Variants in ATL2 observed in about 807,000 individuals in gnomAD.
ATL2 encodes atlastin GTPase 2.
ATL2 carries 31 observed loss-of-function variants against 73.9 expected under a neutral mutation model. The ratio of observed to expected loss-of-function variants is 0.42; its 90% CI spans 0.32 to 0.57. The LOEUF (loss-of-function observed/expected upper bound fraction) is 0.57. ATL2 is among the 20% of genes least tolerant of loss of function. The pLI, the probability that ATL2 is intolerant of heterozygous loss-of-function variation, is 0.14. For synonymous variants in ATL2, 291 were observed against 237.5 expected (o/e 1.23, Z -2.07); for missense variants, 738 against 702.6 (o/e 1.05, Z -0.57).
At chr2:38,326,313 GC>G (rs928962251) in intron 2 of ATL2, among the ~76,000 whole-genome samples, 3 of 152,126 alleles carry the variant, frequency 2.0e-5, no homozygotes, top group African/African-American at 7.2e-5. Flanking sequence ...GTTAAACACA[GC>G]CCATCTCCCA....
intron 2 of ATL2, among the ~76,000 whole-genome samples, chr2:38,338,544 A>AAATT (rs1669510433): frequency 6.6e-6 from 1 of 151,884 alleles, no homozygotes; most frequent in African/African-American, 2.4e-5. Context: ...TGGAATGAAT[A>AAATT]AATAAATAAA....
At chr2:38,359,106 A>G (rs1228684656) in intron 1 of ATL2, among the ~76,000 whole-genome samples, 1 of 152,234 alleles carries the variant, frequency 6.6e-6, no homozygotes, top group Non-Finnish European at 1.5e-5. Flanking sequence ...CAGTTATCAA[A>G]TATTTTCTCC....
At chr2:38,364,064 C>T (rs1671162870) in intron 1 of ATL2, among the ~76,000 whole-genome samples, 1 of 152,108 alleles carries the variant, frequency 6.6e-6, no homozygotes, top group African/African-American at 2.4e-5. Flanking sequence ...GAGTTGGAGA[C>T]CAGCCTGACC....
At chr2:38,305,999 T>C (rs972312018) in intron 9 of ATL2, among the ~76,000 whole-genome samples, 4 of 151,990 alleles carry the variant, frequency 2.6e-5, no homozygotes, top group Non-Finnish European at 5.9e-5. Context: ...CAACAAACCT[T>C]TAGCCACACT....
chr2:38,315,020 G>C (rs1015304894), intron 5 of ATL2, among the ~76,000 whole-genome samples: 3 of 152,226 alleles, frequency 2.0e-5, no homozygotes, highest in African/African-American at 4.8e-5. Flanking sequence ...GGGAGGCCGA[G>C]GCGGGCGGAT....
At chr2:38,355,020 T>C (rs1039711165) in intron 1 of ATL2, among the ~76,000 whole-genome samples, 4 of 152,140 alleles carry the variant, frequency 2.6e-5, no homozygotes, top group Non-Finnish European at 5.9e-5. Context: ...ATGGCAACCT[T>C]AAACCCAACT....
chr2:38,336,280 TTAAAGA>T (rs1479779642), intron 2 of ATL2, among the ~76,000 whole-genome samples: 1 of 152,226 alleles, frequency 6.6e-6, no homozygotes, highest in Non-Finnish European at 1.5e-5. Context: ...CGTATGATTC[TTAAAGA>T]TAGTTTTTTA....
rs998196619 is a variant in ATL2 at position 38,318,544 on chromosome 2, G to A, written c.594C>T (p.Ser198=). The A allele has an allele frequency of 4.4e-6, 7 of 1,600,358 alleles. No individual in the cohort carries two copies. Among genetic ancestry groups the A allele is most frequent in the Non-Finnish European group, 6.0e-6 (7 of 1,175,498 alleles). Residue 198 remains serine, a synonymous_variant, in exon 4 of 13, where the codon AGC becomes AGT. Coordinates refer to ENST00000378954, the MANE Select transcript of ATL2 (RefSeq NM_001135673.4). ...ATVFALSTMT[S]SVQVYNLSQN... ...TAATCTTGTGTCTCACCTGGACAGAGCTAGTCATAGTGCTCAGAGCAAACA... is the reference window on the plus strand; with the variant it reads ...TAATCTTGTGTCTCACCTGGACAGAACTAGTCATAGTGCTCAGAGCAAACA...
intron 1 of ATL2, among the ~76,000 whole-genome samples, chr2:38,360,877 T>C (rs557400071): frequency 1.3e-5 from 2 of 151,760 alleles, no homozygotes; most frequent in East Asian, 1.9e-4. Flanking sequence ...TGCATACATA[T>C]ACAAGAAGAA....
At chr2:38,322,705 A>C (rs7606701) in intron 2 of ATL2, among the ~76,000 whole-genome samples, 56,239 of 151,916 alleles carry the variant, frequency 0.37, 10,587 homozygotes, top group South Asian at 0.48. Context: ...AAAATACTAA[A>C]CTGATTAGTC....
At chr2:38,373,994 C>G (rs1470361283) in intron 1 of ATL2, among the ~76,000 whole-genome samples, 4 of 152,128 alleles carry the variant, frequency 2.6e-5, no homozygotes, top group Admixed American at 1.3e-4. Flanking sequence ...CAGGTTCAAG[C>G]GATTCTCCTG....
rs59215933 is a variant in ATL2, at chr2:38,343,149, TAAAAAAAAAA to T, written c.363+109_363+118del. 173 of 364,490 alleles carry T rather than the reference TAAAAAAAAAA, an allele frequency of 4.7e-4. 2 individuals are homozygous for T. The highest frequency in any genetic ancestry group is 4.3e-3 in the South Asian group (101 of 23,578). The allele number at this position is 364,490 out of a possible 1,614,324, so 22.6% of individuals were successfully genotyped here. On this transcript the variant is annotated intron_variant, in intron 2 of 12. Coordinates refer to ENST00000378954, the MANE Select transcript of ATL2 (RefSeq NM_001135673.4). ...GGTAACAGAGTGAGACCACTTAAATTAAAAAAAAAAAAAAAAAAAAAAAAAAAAAGATATA... is the reference window on the plus strand; with the variant it reads ...GGTAACAGAGTGAGACCACTTAAATTAAAAAAAAAAAAAAAAAAAGATATA...
intron 2 of ATL2, among the ~76,000 whole-genome samples, chr2:38,340,664 G>T (rs1237615041): frequency 1.3e-5 from 2 of 152,156 alleles, no homozygotes; most frequent in African/African-American, 2.4e-5. Flanking sequence ...AGGCATACAG[G>T]TTAATAAAAT....
intron 1 of ATL2, among the ~76,000 whole-genome samples, chr2:38,369,790 T>C (rs1558462043): frequency 6.6e-6 from 1 of 151,972 alleles, no homozygotes; most frequent in Non-Finnish European, 1.5e-5. Flanking sequence ...ATGCTATTAA[T>C]AGCCATCTTG....
chr2:38,374,526 A>G (rs552143696), intron 1 of ATL2, among the ~76,000 whole-genome samples: 1 of 152,342 alleles, frequency 6.6e-6, no homozygotes, highest in South Asian at 2.1e-4. Context: ...ACCATTACCA[A>G]AAAGTTTAAC....
chr2:38,297,526 G>A (rs1666959722), intron 12 of ATL2, among the ~76,000 whole-genome samples: 1 of 152,188 alleles, frequency 6.6e-6, no homozygotes, highest in Admixed American at 6.5e-5. Context: ...CACAGCCTGG[G>A]GCTTTGAATT....
At chr2:38,325,359 A>C (rs1668538748) in intron 2 of ATL2, among the ~76,000 whole-genome samples, 1 of 152,190 alleles carries the variant, frequency 6.6e-6, no homozygotes, top group African/African-American at 2.4e-5. Flanking sequence ...GCTTACCAGC[A>C]ACTGCTGCAG....
chr2:38,355,525 G>C (rs1358010987), intron 1 of ATL2, among the ~76,000 whole-genome samples: 1 of 152,076 alleles, frequency 6.6e-6, no homozygotes, highest in Non-Finnish European at 1.5e-5. Flanking sequence ...TCATAAGAAA[G>C]CTAAAGTAGC....
At chr2:38,335,147 G>A (rs1669279468) in intron 2 of ATL2, among the ~76,000 whole-genome samples, 1 of 151,472 alleles carries the variant, frequency 6.6e-6, no homozygotes, top group Admixed American at 6.6e-5. Context: ...GCTGATGGAA[G>A]TGTAAAATTA....
Sources: allele counts gnomAD v4.1 joint callset (sites outside exome capture counted in the v4.1 genomes callset), GRCh38; gene constraint gnomAD v4.1.1; transcripts MANE v1.5; gene names NCBI Gene and HGNC (gene_info 2026-07-23, HGNC 2026-07-21).